Variants in ANKRD36C observed in about 807,000 individuals in gnomAD.
The protein encoded by ANKRD36C is ankyrin repeat domain 36C.
A neutral mutation model predicts 276.4 loss-of-function variants in ANKRD36C; 61 were observed. The observed-to-expected ratio is 0.22, with a 90% CI of 0.18 to 0.27. The LOEUF (loss-of-function observed/expected upper bound fraction) is 0.27, where lower values mean the gene tolerates loss of function less well. Ranked by LOEUF, ANKRD36C falls within the 10% of genes least tolerant of loss-of-function variation. The probability of loss-of-function intolerance (pLI) is 1.00; values close to 1 mark genes in which losing one functional copy is unlikely to be tolerated. For synonymous variants in ANKRD36C, 483 were observed against 680.1 expected (o/e 0.71, Z 4.51); for missense variants, 1,447 against 2,032.3 (o/e 0.71, Z 5.54).
At chr2:95,914,849 C>T (rs571931149) in intron 38 of ANKRD36C, among the ~76,000 whole-genome samples, 9 of 151,662 alleles carry the variant, frequency 5.9e-5, no homozygotes, top group African/African-American at 1.9e-4. Context: ...TACCTGTTTG[C>T]TGATACCTAG....
intron 44 of ANKRD36C, among the ~76,000 whole-genome samples, chr2:95,894,506 C>A (rs1472916908): frequency 2.0e-5 from 3 of 151,358 alleles, no homozygotes; most frequent in Non-Finnish European, 4.4e-5. Flanking sequence ...AGAAATCATT[C>A]CAATATTCAT....
At position 95,912,873 on chromosome 2, in the gene ANKRD36C, G is replaced by A. The variant is rs13408630; in HGVS notation, c.2552-438C>T. Among the ~76,000 whole-genome samples, 880 of 151,298 alleles carry A rather than the reference G, an allele frequency of 5.8e-3. 11 individuals are homozygous for A. The highest frequency in any genetic ancestry group is 0.02 in the African/African-American group (844 of 41,356). ...AAACATTCATCATGCTCTTTAACTT[G>A]ACCAATAACCGAGAAGGCACACAAT... On this transcript the variant is annotated intron_variant, in intron 40 of 66. Transcript: ENST00000456556.
At chr2:95,988,934 G>A (rs1324388734) in intron 1 of ANKRD36C, among the ~76,000 whole-genome samples, 2 of 152,132 alleles carry the variant, frequency 1.3e-5, no homozygotes, top group Non-Finnish European at 2.9e-5. Flanking sequence ...TTGGGAGGCC[G>A]AGGCGGGGGG....
intron 28 of ANKRD36C, 30 bp from the exon 29 acceptor site, chr2:95,925,577 C>T (rs1192717976): frequency 6.5e-7 from 1 of 1,530,950 alleles, no homozygotes; most frequent in Non-Finnish European, 8.8e-7. Flanking sequence ...TATAATTCAT[C>T]ATATGTAAAT....
Position 95,912,139 on chromosome 2 carries a change from C to A in ANKRD36C, c.2653+105G>T. On this transcript the variant is annotated intron_variant, in intron 42 of 66. Transcript: ENST00000456556. Reference sequence around the variant, plus strand: ...TTAGAAATGAAGAATCTCAGGCCTGCTGAATCAGAATGTGCAGCTTCGACC... The same window carrying A: ...TTAGAAATGAAGAATCTCAGGCCTGATGAATCAGAATGTGCAGCTTCGACC... 8 of 1,452,322 alleles carry A rather than the reference C, an allele frequency of 5.5e-6. No homozygotes were observed. In the South Asian group the frequency reaches 1.0e-4, roughly 18 times the overall value. 90.0% of individuals were successfully genotyped at this position (1,452,322 alleles called of 1,614,324 possible). A position where few individuals can be genotyped will look rare whatever the true frequency, so the allele number is the denominator to read the frequency against.
intron 24 of ANKRD36C, among the ~76,000 whole-genome samples, chr2:95,934,598 C>CAGA: frequency 6.6e-6 from 1 of 152,256 alleles, no homozygotes; most frequent in African/African-American, 2.4e-5. Flanking sequence ...ACACCAGGGC[C>CAGA]TGTCAGGGAG....
exon 12 of ANKRD36C, chr2:95,958,591 C>G: frequency 6.5e-7 from 1 of 1,545,220 alleles, no homozygotes; most frequent in Non-Finnish European, 8.7e-7. Context: ...GCAAAATTAC[C>G]TGTCCCAGAT....
chr2:95,910,303 C>A (rs1055076930), intron 42 of ANKRD36C, 70 bp downstream of exon 46: 59 of 1,462,326 alleles, frequency 4.0e-5, no homozygotes, highest in South Asian at 2.8e-4. Context: ...CCACCCGCTG[C>A]TTTATTTGGA....
chr2:95,913,877 C>A (rs1196245269), intron 40 of ANKRD36C, among the ~76,000 whole-genome samples: 1 of 151,432 alleles, frequency 6.6e-6, no homozygotes, highest in East Asian at 2.0e-4. Context: ...GAACTGCTCT[C>A]CATATTTCTT....
chr2:95,882,738 T>C (rs1676113685), intron 54 of ANKRD36C, among the ~76,000 whole-genome samples: 2 of 152,130 alleles, frequency 1.3e-5, no homozygotes, highest in Non-Finnish European at 2.9e-5. Context: ...CATGTGTGTA[T>C]TACTGAAATA....
chr2:95,926,546 T>C (rs543092454), intron 28 of ANKRD36C, among the ~76,000 whole-genome samples: 7 of 151,722 alleles, frequency 4.6e-5, no homozygotes, highest in South Asian at 2.1e-4. Context: ...ACAAAATGTA[T>C]ATCTCTGATG....
downstream of ANKRD36C, among the ~76,000 whole-genome samples, chr2:95,849,709 C>G (rs1675248078): frequency 6.6e-6 from 1 of 152,228 alleles, no homozygotes; most frequent in Non-Finnish European, 1.5e-5. Flanking sequence ...GACATATCAT[C>G]AGGCATTAGA....
rs189201244 is a variant in ANKRD36C at position 95,891,482 on chromosome 2, T to G, written c.2857+183A>C. On this transcript the variant is annotated intron_variant, in intron 46 of 66. Transcript: ENST00000456556. ...AATGGGGGGAAGTGTATACTCTTAC[T>G]GCGAAGATCATGTTCCAGAGCAGCA... 7.3e-5 allele frequency among the ~76,000 whole-genome samples: 11 copies of G among 151,534 alleles called. No homozygotes were observed. In the South Asian group the frequency reaches 8.3e-4, roughly 11 times the overall value.
chr2:95,916,914 G>T lies in ANKRD36C; in HGVS notation c.2348-743C>A, dbSNP rs1188879412. On this transcript the variant is annotated intron_variant, in intron 36 of 66. Coordinates refer to ENST00000456556, the Ensembl canonical transcript of ANKRD36C. ...CGTATACAAAGTAAAACTGCTACAA[G>T]CGTTAGATATTGAGCAGTTTTTCAT... Among the ~76,000 whole-genome samples, 10 of 151,636 alleles carry T rather than the reference G, an allele frequency of 6.6e-5. No homozygotes were observed. The East Asian group carries it at 1.8e-3, about 27-fold the overall frequency.
chr2:95,889,566 T>C (rs1410069175), intron 48 of ANKRD36C, among the ~76,000 whole-genome samples: 1 of 151,510 alleles, frequency 6.6e-6, no homozygotes, highest in Non-Finnish European at 1.5e-5. Context: ...TGAATTGCGG[T>C]CAGATGGTTC....
At chr2:95,858,940 TATCTACATAACAGA>T (rs1675493350) in intron 61 of ANKRD36C, among the ~76,000 whole-genome samples, 1 of 152,020 alleles carries the variant, frequency 6.6e-6, no homozygotes, top group Non-Finnish European at 1.5e-5. Context: ...GAATTAATTT[TATCTACATAACAGA>T]GAGAGAGAGA....
rs761708895 is a variant in ANKRD36C, at chr2:95,951,344, T to C, written c.1264+4A>G. On this transcript the variant is annotated splice_donor_region_variant and intron_variant, in intron 15 of 66. Transcript: ENST00000456556. Reference sequence around the variant, plus strand: ...CTACAATAGGCAGGCTTCAAATAACTTACCATCTTCTATAGATCGTGGAGA... The same window carrying C: ...CTACAATAGGCAGGCTTCAAATAACCTACCATCTTCTATAGATCGTGGAGA... 167 of 1,487,464 alleles carry C rather than the reference T, an allele frequency of 1.1e-4. No individual in the cohort carries two copies. Among genetic ancestry groups the C allele is most frequent in the Non-Finnish European group, 1.5e-4 (164 of 1,103,098 alleles). 92.1% of individuals were successfully genotyped at this position (1,487,464 alleles called of 1,614,324 possible).
At chr2:95,988,800 A>G (rs1012701111) in intron 1 of ANKRD36C, among the ~76,000 whole-genome samples, 3 of 152,168 alleles carry the variant, frequency 2.0e-5, no homozygotes, top group Non-Finnish European at 2.9e-5. Flanking sequence ...TAATAAAATA[A>G]TCAAGCACAA....
At chr2:95,947,735 T>A (rs1187815025) in intron 17 of ANKRD36C, among the ~76,000 whole-genome samples, 1 of 152,158 alleles carries the variant, frequency 6.6e-6, no homozygotes, top group African/African-American at 2.4e-5. Flanking sequence ...GAGTTTAAAG[T>A]ATACTCAATA....
Sources: gnomAD v4.1 joint callset for allele counts (sites outside exome capture counted in the v4.1 genomes callset) on GRCh38, gnomAD v4.1.1 for gene constraint, MANE v1.5 for transcripts, NCBI Gene and HGNC (gene_info 2026-07-23, HGNC 2026-07-21) for gene names.